CCDC91: variants seen among roughly 807,000 people sequenced by gnomAD.
CCDC91 encodes the protein coiled-coil domain-containing protein 91.
A neutral mutation model predicts 63.2 loss-of-function variants in CCDC91; 48 were observed. That is an observed-to-expected ratio of 0.76 (90% CI 0.60 to 0.97). The LOEUF (loss-of-function observed/expected upper bound fraction) is 0.97, where lower values mean the gene tolerates loss of function less well. CCDC91 is among the 50% of genes least tolerant of loss of function. The pLI, the probability that CCDC91 is intolerant of heterozygous loss-of-function variation, is 0.00. For synonymous variants in CCDC91, 167 were observed against 165.8 expected, an observed-to-expected ratio of 1.01 and a Z score of -0.06; for missense variants, 500 against 494.6, an observed-to-expected ratio of 1.01 and a Z score of -0.10.
chr12:28,499,744 A>G (rs905633575), intron 12 of CCDC91, among the ~76,000 whole-genome samples: 7 of 152,140 alleles, frequency 4.6e-5, no homozygotes, highest in Non-Finnish European at 7.4e-5. Flanking sequence ...CAGTCTATCA[A>G]TGATGGGCAT....
At chr12:28,359,278 C>T (rs543236389) in intron 6 of CCDC91, among the ~76,000 whole-genome samples, 5 of 152,150 alleles carry the variant, frequency 3.3e-5, no homozygotes, top group East Asian at 3.9e-4. Context: ...TCAGAGCCAT[C>T]GATATTGAAT....
At chr12:28,358,996 A>G (rs1344433056) in intron 6 of CCDC91, among the ~76,000 whole-genome samples, 1 of 152,146 alleles carries the variant, frequency 6.6e-6, no homozygotes, top group Non-Finnish European at 1.5e-5. Flanking sequence ...CCCGGGTTCA[A>G]GTGATTCTCC....
intron 11 of CCDC91, among the ~76,000 whole-genome samples, chr12:28,483,317 T>C (rs747560092): frequency 6.6e-6 from 1 of 152,088 alleles, no homozygotes; most frequent in African/African-American, 2.4e-5. Flanking sequence ...TACCTATAGA[T>C]GGGAATGAAA....
rs576631557 is a variant in CCDC91 at position 28,330,195 on chromosome 12, T to A, written c.576+22446T>A. Among the ~76,000 whole-genome samples, 79 of 152,286 alleles carry A rather than the reference T, an allele frequency of 5.2e-4. No individual in the cohort carries two copies. In the South Asian group the frequency reaches 9.7e-3, roughly 19 times the overall value. Reference sequence around the variant, plus strand: ...AGATCCTTAAGGAATCGCCACACTGTCTTCCACAATGGTTGAATTAGTTTA... The same window carrying A: ...AGATCCTTAAGGAATCGCCACACTGACTTCCACAATGGTTGAATTAGTTTA... On this transcript the variant is annotated intron_variant, in intron 6 of 12. Transcript: ENST00000536442.
At chr12:28,304,111 G>A (rs1229378305) in intron 3 of CCDC91, among the ~76,000 whole-genome samples, 6 of 151,784 alleles carry the variant, frequency 4.0e-5, no homozygotes, top group Non-Finnish European at 7.4e-5. Context: ...AGGTGTGGTC[G>A]CTCACACCTG....
chr12:28,394,480 A>ACAAAC (rs942476004), intron 8 of CCDC91, among the ~76,000 whole-genome samples: 3 of 151,994 alleles, frequency 2.0e-5, no homozygotes, highest in African/African-American at 7.3e-5. Flanking sequence ...AAACAAACAA[A>ACAAAC]AAAAAAACAA....
At chr12:28,333,623 A>G (rs1941691109) in intron 6 of CCDC91, among the ~76,000 whole-genome samples, 1 of 151,898 alleles carries the variant, frequency 6.6e-6, no homozygotes, top group Non-Finnish European at 1.5e-5. Context: ...TTTTATCTCT[A>G]TCTTGGTATC....
At chr12:28,259,465 GT>G (rs79131127) in intron 3 of CCDC91, 23 bp downstream of exon 3, 34,269 of 1,126,498 alleles carry the variant, frequency 0.03, 15 homozygotes, top group East Asian at 0.058. Context: ...AGGAATTAGG[GT>G]TTTTTTTTTT....
chr12:28,374,160 C>G (rs1020757942), intron 7 of CCDC91, among the ~76,000 whole-genome samples: 3 of 152,104 alleles, frequency 2.0e-5, no homozygotes, highest in African/African-American at 7.2e-5. Context: ...AGTTCCACCC[C>G]CCTTTCCTTG....
Position 28,371,148 on chromosome 12 carries a change from G to C in CCDC91, c.654+8633G>C, listed in dbSNP as rs560028086. On this transcript the variant is annotated intron_variant, in intron 7 of 12. Transcript: ENST00000536442. The stretch of plus-strand genomic sequence containing the variant: ...TCCCATTCTATTTTGGTGGTGGTTT[G>C]TATAGCAGGGGTCCTTAACCCCCAG... Among the ~76,000 whole-genome samples the C allele has an allele frequency of 2.6e-5, 4 of 151,994 alleles. No homozygotes were observed. The South Asian group carries it at 6.2e-4, about 24-fold the overall frequency.
At chr12:28,196,298 A>G (rs1452536998) in intron 1 of CCDC91, among the ~76,000 whole-genome samples, 2 of 152,162 alleles carry the variant, frequency 1.3e-5, no homozygotes, top group Admixed American at 6.5e-5. Flanking sequence ...TAAGTGAATC[A>G]GTATTTTAAT....
rs751942533 is a variant in CCDC91 at position 28,452,553 on chromosome 12, G to A, written c.1000G>A (p.Ala334Thr). ...AAGAAAAAATTTAGAAAAAGCGCAT[G>A]CTGAAGAAAGGGAATTATGGAAGAC... ...EERKNLEKAH[A>T]EERELWKTEH... Residue 334 changes from alanine to threonine, a missense_variant, in exon 11 of 13, where the codon GCT becomes ACT. By Grantham distance (58) the Ala-to-Thr change is moderately conservative. Coordinates refer to ENST00000536442, the MANE Select transcript of CCDC91 (RefSeq NM_018318.5). 5 of 1,591,682 alleles carry A rather than the reference G, an allele frequency of 3.1e-6. No individual in the cohort carries two copies. The highest frequency in any genetic ancestry group is 4.3e-6 in the Non-Finnish European group (5 of 1,168,814).
intron 8 of CCDC91, among the ~76,000 whole-genome samples, chr12:28,393,440 A>T (rs1206061462): frequency 6.6e-6 from 1 of 150,732 alleles, no homozygotes; most frequent in Non-Finnish European, 1.5e-5. Context: ...TAAATTTAAT[A>T]TGTTTATATG....
At chr12:28,406,729 T>G (rs1262096376) in intron 8 of CCDC91, among the ~76,000 whole-genome samples, 1 of 150,278 alleles carries the variant, frequency 6.7e-6, no homozygotes, top group African/African-American at 2.4e-5. Context: ...CTATGTTCTA[T>G]TAAAGTTTTA....
intron 1 of CCDC91, 107 bp downstream of exon 1, chr12:28,190,748 T>A (rs1197334491): frequency 6.6e-6 from 1 of 152,176 alleles, no homozygotes; most frequent in Non-Finnish European, 1.5e-5. Flanking sequence ...TTCCGCCGCC[T>A]GCAGCCCGCC....
At chr12:28,237,456 G>A (rs1945040044) in intron 1 of CCDC91, among the ~76,000 whole-genome samples, 1 of 152,162 alleles carries the variant, frequency 6.6e-6, no homozygotes, top group African/African-American at 2.4e-5. Flanking sequence ...CCTCATAAGA[G>A]ATAAACAGAG....
chr12:28,233,636 T>C (rs1417396645), intron 1 of CCDC91, among the ~76,000 whole-genome samples: 1 of 152,184 alleles, frequency 6.6e-6, no homozygotes, highest in Non-Finnish European at 1.5e-5. Context: ...AATCTGGAAA[T>C]TAAAATCTTC....
chr12:28,412,834 G>A (rs1279857284), intron 8 of CCDC91: 2 of 448,832 alleles, frequency 4.5e-6, no homozygotes, highest in South Asian at 3.2e-5. Flanking sequence ...GTGCTGATTG[G>A]TGTATTTTAC....
intron 6 of CCDC91, among the ~76,000 whole-genome samples, chr12:28,345,585 C>A (rs1942752785): frequency 6.6e-6 from 1 of 152,002 alleles, no homozygotes; most frequent in Admixed American, 6.6e-5. Context: ...AAAACTCTTA[C>A]CAAATTACAA....
Sources: allele counts gnomAD v4.1 joint callset (sites outside exome capture counted in the v4.1 genomes callset), GRCh38; gene constraint gnomAD v4.1.1; transcripts MANE v1.5; gene names NCBI Gene and HGNC (gene_info 2026-07-23, HGNC 2026-07-21).